Variants in EHD4 observed in about 807,000 individuals in gnomAD.
EHD4 encodes EH domain-containing protein 4.
EHD4 carries 37 observed loss-of-function variants against 51.0 expected under a neutral mutation model. The observed-to-expected ratio is 0.73, with a 90% confidence interval of 0.56 to 0.95. EHD4 has a LOEUF of 0.95. Ranked by LOEUF, EHD4 falls within the 40% of genes least tolerant of loss-of-function variation. The pLI is 0.00. For missense variants in EHD4, 632 were observed against 733.1 expected (o/e 0.86, Z 1.59); for synonymous variants, 297 against 317.3 (o/e 0.94, Z 0.68).
chr15:41,938,240 C>A (rs963537051), intron 3 of EHD4, among the ~76,000 whole-genome samples: 1 of 152,172 alleles, frequency 6.6e-6, no homozygotes, highest in Non-Finnish European at 1.5e-5. Context: ...TGTTGGCAGG[C>A]CCTTGAAACA....
chr15:41,940,842 C>T (rs777854402), intron 3 of EHD4, among the ~76,000 whole-genome samples: 2 of 152,156 alleles, frequency 1.3e-5, no homozygotes, highest in Non-Finnish European at 2.9e-5. Context: ...AAAGGAGAGA[C>T]GCTGCAAGAC....
intron 4 of EHD4, among the ~76,000 whole-genome samples, chr15:41,914,216 G>A (rs1187779835): frequency 1.3e-5 from 2 of 152,196 alleles, no homozygotes; most frequent in African/African-American, 2.4e-5. Flanking sequence ...TGGGGAAGGC[G>A]GGCTGGGAAG....
chr15:41,901,836 C>T (rs1014900701), intron 5 of EHD4, among the ~76,000 whole-genome samples: 4 of 152,190 alleles, frequency 2.6e-5, no homozygotes, highest in Admixed American at 6.5e-5. Context: ...CCACCAAGTA[C>T]GGCCTGACCA....
intron 1 of EHD4, among the ~76,000 whole-genome samples, chr15:41,962,264 GTTC>G (rs1318961001): frequency 6.6e-6 from 1 of 152,136 alleles, no homozygotes; most frequent in African/African-American, 2.4e-5. Flanking sequence ...AACTAAGAAA[GTTC>G]TTCTCAAAGA....
intron 2 of EHD4, among the ~76,000 whole-genome samples, chr15:41,946,912 A>G (rs2067818990): frequency 6.6e-6 from 1 of 152,200 alleles, no homozygotes; most frequent in Non-Finnish European, 1.5e-5. Context: ...TGTAGCAGTT[A>G]TAATAATAAT....
chr15:41,946,858 G>A (rs927361515), intron 2 of EHD4, among the ~76,000 whole-genome samples: 1 of 152,180 alleles, frequency 6.6e-6, no homozygotes, highest in African/African-American at 2.4e-5. Flanking sequence ...GAACCAGACA[G>A]TACCTTAATA....
intron 2 of EHD4, among the ~76,000 whole-genome samples, chr15:41,949,709 T>C (rs2067840379): frequency 6.6e-6 from 1 of 152,140 alleles, no homozygotes; most frequent in Non-Finnish European, 1.5e-5. Context: ...ATTTCTTCTG[T>C]GGAAGATAAC....
intron 1 of EHD4, among the ~76,000 whole-genome samples, chr15:41,958,349 T>G (rs1195057601): frequency 6.6e-6 from 1 of 151,924 alleles, no homozygotes; most frequent in African/African-American, 2.4e-5. Flanking sequence ...GAAGGGATGG[T>G]GGGATGGATG....
intron 2 of EHD4, among the ~76,000 whole-genome samples, chr15:41,944,656 A>G (rs2067799496): frequency 6.6e-6 from 1 of 152,212 alleles, no homozygotes; most frequent in African/African-American, 2.4e-5. Context: ...AGATATAGAA[A>G]AAGACATTAG....
At chr15:41,966,039 C>T (rs982078256) in intron 1 of EHD4, among the ~76,000 whole-genome samples, 2 of 151,754 alleles carry the variant, frequency 1.3e-5, no homozygotes, top group African/African-American at 4.8e-5. Flanking sequence ...GTCTTGCCTC[C>T]TCTTTGTCTT....
At chr15:41,902,580 TAA>T (rs2067484335) in intron 5 of EHD4, among the ~76,000 whole-genome samples, 1 of 151,820 alleles carries the variant, frequency 6.6e-6, no homozygotes, top group African/African-American at 2.4e-5. Flanking sequence ...ATGAAATCTA[TAA>T]AGTCATTAGA....
intron 3 of EHD4, chr15:41,921,836 C>T (rs1245747968): frequency 1.3e-5 from 2 of 152,180 alleles, no homozygotes; most frequent in African/African-American, 4.8e-5. Context: ...TCCCTCGCCC[C>T]ATTCCTTAGC....
rs1401788067 is a variant in EHD4, at chr15:41,943,150, T to C, written c.428A>G (p.Gln143Arg). ...NAFLNRFMCS[Q>R]LPNQVLKSIS... ...GCTCTTCAGGACCTGATTGGGGAGC[T>C]GTGAGCACATGAATCTGGAAGAGAC... The change falls in exon 3 of 6, where the codon CAG becomes CGG. Residue 143 changes from glutamine to arginine, a missense_variant. By Grantham distance (43) the Gln-to-Arg change is conservative. Transcript: ENST00000220325. 6.3e-7 allele frequency: 1 copy of C among 1,587,340 alleles called. No individual in the cohort carries two copies. Among genetic ancestry groups the C allele is most frequent in the Admixed American group, 1.8e-5 (1 of 55,502 alleles).
intron 2 of EHD4, among the ~76,000 whole-genome samples, chr15:41,953,390 T>C (rs762884170): frequency 2.0e-5 from 3 of 152,200 alleles, no homozygotes; most frequent in Admixed American, 1.3e-4. Flanking sequence ...TTTTAACTTT[T>C]AAAATTTTTT....
In EHD4 at chr15:41,901,118, C is replaced by A; in HGVS notation, c.1153G>T (p.Val385Leu). ...ATCTTGTTGCTCAGCATGTTGTCCA[C>A]TGCCTCGATCAGCTTGGGCTTCAGC... is the stretch of plus-strand genomic sequence containing the variant. ...HSLKPKLIEA[V>L]DNMLSNKISP... The change falls in exon 6 of 6, where the codon GTG becomes TTG. Residue 385 changes from valine (V) to leucine (L), a missense_variant. Transcript: ENST00000220325. The A allele has an allele frequency of 6.3e-7, 1 of 1,599,910 alleles. No homozygotes were observed. The highest frequency in any genetic ancestry group is 8.5e-7 in the Non-Finnish European group (1 of 1,174,462).
At chr15:41,908,385 C>G (rs146100432) in intron 5 of EHD4, 2 of 152,206 alleles carry the variant, frequency 1.3e-5, no homozygotes, top group Non-Finnish European at 2.9e-5. Context: ...CTCTTCTGCC[C>G]GACCTTCCCT....
intron 1 of EHD4, among the ~76,000 whole-genome samples, chr15:41,963,347 C>T (rs976813257): frequency 5.3e-5 from 8 of 150,998 alleles, no homozygotes; most frequent in South Asian, 2.1e-4. Flanking sequence ...GCCTGTAATC[C>T]CAGCCCTTTG....
At chr15:41,941,512 C>A (rs2067769969) in intron 3 of EHD4, 4 of 151,298 alleles carry the variant, frequency 2.6e-5, no homozygotes, top group Admixed American at 2.6e-4. Context: ...TTGCCATAAA[C>A]ATCTATACTT....
chr15:41,903,264 A>G (rs1234007208), intron 5 of EHD4, among the ~76,000 whole-genome samples: 3 of 147,526 alleles, frequency 2.0e-5, no homozygotes, highest in Admixed American at 6.9e-5. Flanking sequence ...GACAGAAGCA[A>G]TGTGACAGGC....
Sources: gnomAD v4.1 joint callset for allele counts (sites outside exome capture counted in the v4.1 genomes callset) on GRCh38, gnomAD v4.1.1 for gene constraint, MANE v1.5 for transcripts, NCBI Gene and HGNC (gene_info 2026-07-23, HGNC 2026-07-21) for gene names.